Variants in EGF observed in about 807,000 individuals in gnomAD.
EGF encodes the protein epidermal growth factor.
A neutral mutation model predicts 143.8 loss-of-function variants in EGF; 95 were observed. The observed-to-expected ratio is 0.66, with a 90% confidence interval of 0.56 to 0.78. The LOEUF (loss-of-function observed/expected upper bound fraction) is 0.78. Ranked by LOEUF, EGF falls within the 30% of genes least tolerant of loss-of-function variation. EGF has a pLI of 0.00. For missense variants in EGF, 1,320 were observed against 1,470.9 expected, an observed-to-expected ratio of 0.90 and a Z score of 1.68; for synonymous variants, 510 against 510.5, an observed-to-expected ratio of 1.00 and a Z score of 0.01.
chr4:109,944,131 A>T, intron 4 of EGF, 62 bp downstream of exon 4: 2 of 1,535,650 alleles, frequency 1.3e-6, no homozygotes, highest in Non-Finnish European at 1.8e-6. Context: ...AGATAAATTA[A>T]TTTTACTTTT....
intron 23 of EGF, among the ~76,000 whole-genome samples, chr4:110,010,098 A>C: frequency 6.6e-6 from 1 of 152,126 alleles, no homozygotes; most frequent in Admixed American, 6.5e-5. Context: ...TCTCTACCAA[A>C]AAGTACAAAA....
chr4:109,950,024 G>A (rs1743583957), intron 5 of EGF, among the ~76,000 whole-genome samples: 2 of 152,164 alleles, frequency 1.3e-5, no homozygotes, highest in Admixed American at 6.6e-5. Flanking sequence ...AGTTGCCCTG[G>A]TCCTTCTTCT....
chr4:109,928,791 T>G (rs1739203926), intron 1 of EGF, among the ~76,000 whole-genome samples: 1 of 152,146 alleles, frequency 6.6e-6, no homozygotes, highest in African/African-American at 2.4e-5. Flanking sequence ...AGATCTTTCT[T>G]TTAATGTTAA....
chr4:109,945,841 G>A (rs1379209489), intron 5 of EGF, among the ~76,000 whole-genome samples: 1 of 152,158 alleles, frequency 6.6e-6, no homozygotes, highest in Non-Finnish European at 1.5e-5. Context: ...GTTAATGTAG[G>A]TACCTCTGCA....
At chr4:109,944,305 G>T (rs1742456718) in intron 4 of EGF, among the ~76,000 whole-genome samples, 1 of 152,006 alleles carries the variant, frequency 6.6e-6, no homozygotes, top group Non-Finnish European at 1.5e-5. Flanking sequence ...CGGGCGTGGT[G>T]GCGAGCACCT....
chr4:109,969,218 G>T (rs879083944), intron 11 of EGF, 99 bp downstream of exon 11: 3 of 1,543,372 alleles, frequency 1.9e-6, no homozygotes, highest in South Asian at 1.1e-5. Context: ...GAAAAATGTT[G>T]CTGGGCATTT....
At chr4:109,992,386 C>G (rs1035977130) in intron 18 of EGF, 1 of 151,980 alleles carries the variant, frequency 6.6e-6, no homozygotes, top group Admixed American at 6.6e-5. Flanking sequence ...TAGCATGGCC[C>G]CTGCGCAAGG....
rs1749840230 is a variant in EGF, at chr4:109,984,472, T to A, written c.2491+931T>A. Among the ~76,000 whole-genome samples the A allele has an allele frequency of 3.3e-5, 5 of 152,140 alleles. No homozygotes were observed. In the South Asian group the frequency reaches 8.3e-4, roughly 25 times the overall value. On this transcript the variant is annotated intron_variant, in intron 16 of 23. Coordinates refer to ENST00000265171, the MANE Select transcript of EGF (RefSeq NM_001963.6). ...GAATGTTAGATTATATATACAGTCA[T>A]CCATCTGTATCCACAGGGGATTGAT...
At chr4:109,946,998 A>C (rs1310985398) in intron 5 of EGF, among the ~76,000 whole-genome samples, 1 of 152,184 alleles carries the variant, frequency 6.6e-6, no homozygotes, top group Non-Finnish European at 1.5e-5. Context: ...GCATGTCTGT[A>C]GTCCCAGCTA....
intron 1 of EGF, among the ~76,000 whole-genome samples, chr4:109,928,909 T>C (rs1215428248): frequency 6.6e-6 from 1 of 152,172 alleles, no homozygotes; most frequent in Non-Finnish European, 1.5e-5. Context: ...GACTTTGAAA[T>C]GCCCTTGGCT....
At position 109,974,646 on chromosome 4, in the gene EGF, T is replaced by A; in HGVS notation, c.1725-57T>A. Reference sequence around the variant, plus strand: ...TTTCAGAAAGAGGAGAAAGGAGTATTTTTGTTTGAAAAGTAAAGGTGTTAT... The same window carrying A: ...TTTCAGAAAGAGGAGAAAGGAGTATATTTGTTTGAAAAGTAAAGGTGTTAT... On this transcript the variant is annotated intron_variant, in intron 11 of 23. Transcript: ENST00000265171. 3 of 1,299,218 alleles carry A rather than the reference T, an allele frequency of 2.3e-6. No individual in the cohort carries two copies. The South Asian group carries it at 3.6e-5, about 16-fold the overall frequency. The allele number at this position is 1,299,218 out of a possible 1,614,324, so 80.5% of individuals were successfully genotyped here.
At chr4:109,950,144 G>A (rs1365005468) in intron 5 of EGF, among the ~76,000 whole-genome samples, 3 of 152,148 alleles carry the variant, frequency 2.0e-5, no homozygotes, top group Non-Finnish European at 4.4e-5. Context: ...GGCCCTTATA[G>A]TTATCTGCCT....
chr4:109,931,955 C>T (rs568351540), intron 1 of EGF, among the ~76,000 whole-genome samples: 177 of 152,188 alleles, frequency 1.2e-3, no homozygotes, highest in Non-Finnish European at 1.7e-3. Flanking sequence ...TGAAAAGTTA[C>T]AGAAGTTAGT....
intron 18 of EGF, among the ~76,000 whole-genome samples, chr4:109,991,796 T>G (rs1750972882): frequency 1.3e-5 from 2 of 152,114 alleles, no homozygotes; most frequent in Admixed American, 1.3e-4. Flanking sequence ...AATCTCCAAC[T>G]TTGGGAAGTC....
intron 16 of EGF, among the ~76,000 whole-genome samples, chr4:109,985,213 T>C (rs75483190): frequency 1.1e-3 from 162 of 152,306 alleles, no homozygotes; most frequent in African/African-American, 3.5e-3. Context: ...CTGATTGTCC[T>C]GGTGAAAAAC....
chr4:109,979,291 A>G (rs552969893), intron 13 of EGF, among the ~76,000 whole-genome samples: 2 of 152,234 alleles, frequency 1.3e-5, no homozygotes, highest in East Asian at 3.9e-4. Flanking sequence ...GAGAGAGGTT[A>G]TAGTAGACAG....
chr4:109,978,386 T>C (rs1748831617), intron 13 of EGF, among the ~76,000 whole-genome samples: 1 of 152,244 alleles, frequency 6.6e-6, no homozygotes, highest in African/African-American at 2.4e-5. Context: ...AGATTATGTC[T>C]AGTGTGAGGT....
At chr4:109,928,497 C>T (rs1739122874) in intron 1 of EGF, among the ~76,000 whole-genome samples, 1 of 152,082 alleles carries the variant, frequency 6.6e-6, no homozygotes, top group African/African-American at 2.4e-5. Flanking sequence ...AGACAGCAGG[C>T]TTCAGAGCTC....
At chr4:110,007,419 C>T (rs1560775714) in intron 22 of EGF, among the ~76,000 whole-genome samples, 1 of 152,158 alleles carries the variant, frequency 6.6e-6, no homozygotes, top group Non-Finnish European at 1.5e-5. Context: ...TGTCCTTTGT[C>T]CTGTTGTATG....
Sources: allele counts gnomAD v4.1 joint callset (sites outside exome capture counted in the v4.1 genomes callset), GRCh38; gene constraint gnomAD v4.1.1; transcripts MANE v1.5; gene names NCBI Gene and HGNC (gene_info 2026-07-23, HGNC 2026-07-21).